The following CAMK4 variants were observed in gnomAD, a reference collection of about 807,000 sequenced individuals.
CAMK4 encodes calcium/calmodulin-dependent protein kinase type IV.
CAMK4 carries 22 observed loss-of-function variants against 44.9 expected under a neutral mutation model. The observed-to-expected ratio is 0.49, with a 90% CI of 0.35 to 0.70. The LOEUF (loss-of-function observed/expected upper bound fraction) is 0.70. CAMK4 is among the 30% of genes least tolerant of loss of function. The pLI is 0.01. For synonymous variants in CAMK4, 218 were observed against 215.4 expected, an observed-to-expected ratio of 1.01 and a Z score of -0.11; for missense variants, 498 against 586.8, an observed-to-expected ratio of 0.85 and a Z score of 1.56.
intron 7 of CAMK4, among the ~76,000 whole-genome samples, chr5:111,461,795 C>A (rs925147047): frequency 6.9e-5 from 4 of 57,902 alleles, no homozygotes; most frequent in African/African-American, 1.8e-4. Context: ...ACACTGAATT[C>A]AAAACAAGCC....
chr5:111,351,522 C>T (rs1324437859), intron 2 of CAMK4, among the ~76,000 whole-genome samples: 1 of 151,766 alleles, frequency 6.6e-6, no homozygotes, highest in East Asian at 1.9e-4. Context: ...TCTCCTGCCT[C>T]AGCCTCCTTA....
chr5:111,439,283 G>A (rs539510285), intron 5 of CAMK4, among the ~76,000 whole-genome samples: 2 of 152,242 alleles, frequency 1.3e-5, no homozygotes, highest in Middle Eastern at 6.8e-3. Flanking sequence ...GACTGGAGGA[G>A]GTTAATGCTG....
chr5:111,240,392 G>A (rs539221848), intron 1 of CAMK4, among the ~76,000 whole-genome samples: 1 of 151,938 alleles, frequency 6.6e-6, no homozygotes, highest in African/African-American at 2.4e-5. Flanking sequence ...ACATCACATG[G>A]AAGAGACTTA....
intron 2 of CAMK4, among the ~76,000 whole-genome samples, chr5:111,361,980 C>T (rs1049339921): frequency 1.3e-5 from 2 of 151,970 alleles, no homozygotes; most frequent in African/African-American, 4.8e-5. Context: ...TAGTATGCTG[C>T]AATTGTAGTG....
chr5:111,278,083 A>G (rs1750850682), intron 1 of CAMK4, among the ~76,000 whole-genome samples: 2 of 152,240 alleles, frequency 1.3e-5, no homozygotes, highest in Non-Finnish European at 2.9e-5. Context: ...AGAAGCTGTA[A>G]TAATGTTTTT....
rs576984807 is a variant in CAMK4, at chr5:111,430,437, A to C, written c.460-16249A>C. 2.0e-5 allele frequency among the ~76,000 whole-genome samples: 3 copies of C among 152,348 alleles called. No individual in the cohort carries two copies. The East Asian group carries it at 5.8e-4, about 29-fold the overall frequency. On this transcript the variant is annotated intron_variant, in intron 5 of 10. Transcript: ENST00000282356. ...ATGCCCGCTGTCACCACTGTTATTT[A>C]ACATAGTACTGGCAGCCCTAGCTAA...
At chr5:111,352,647 G>GAGAGAGAA (rs1490559160) in intron 2 of CAMK4, among the ~76,000 whole-genome samples, 1 of 146,280 alleles carries the variant, frequency 6.8e-6, no homozygotes, top group African/African-American at 2.5e-5. Context: ...CAGAGAGAGA[G>GAGAGAGAA]AGAGAGAGAG....
chr5:111,310,959 A>T (rs1218763539), intron 1 of CAMK4, among the ~76,000 whole-genome samples: 2 of 152,170 alleles, frequency 1.3e-5, no homozygotes, highest in African/African-American at 2.4e-5. Context: ...GATCTCACAC[A>T]TATCCGTTCT....
chr5:111,372,812 C>T (rs899261609), intron 2 of CAMK4, among the ~76,000 whole-genome samples: 1 of 152,132 alleles, frequency 6.6e-6, no homozygotes, highest in African/African-American at 2.4e-5. Flanking sequence ...TCAAGATGTG[C>T]GTCTTCCTTT....
intron 5 of CAMK4, among the ~76,000 whole-genome samples, chr5:111,415,054 T>G (rs546269205): frequency 6.6e-6 from 1 of 152,190 alleles, no homozygotes; most frequent in Admixed American, 6.5e-5. Flanking sequence ...CTGCCAGATA[T>G]AAAAATGTTG....
At chr5:111,230,299 G>A (rs777622700) in intron 1 of CAMK4, among the ~76,000 whole-genome samples, 2 of 152,108 alleles carry the variant, frequency 1.3e-5, no homozygotes, top group African/African-American at 2.4e-5. Flanking sequence ...TGAAATGAAA[G>A]GGATTCAGTT....
chr5:111,326,563 A>T (rs1386466211), intron 1 of CAMK4, among the ~76,000 whole-genome samples: 1 of 151,160 alleles, frequency 6.6e-6, no homozygotes, highest in Non-Finnish European at 1.5e-5. Flanking sequence ...GCAGAAAATT[A>T]AAAAAAAATC....
chr5:111,477,305 G>A (rs1755281129), intron 8 of CAMK4, among the ~76,000 whole-genome samples: 1 of 152,250 alleles, frequency 6.6e-6, no homozygotes. Context: ...CATTCTGTGA[G>A]TAAAAGGACA....
At chr5:111,249,191 T>C (rs1749370175) in intron 1 of CAMK4, among the ~76,000 whole-genome samples, 2 of 152,124 alleles carry the variant, frequency 1.3e-5, no homozygotes, top group African/African-American at 4.8e-5. Flanking sequence ...CCTTTCCTCA[T>C]TGTTCAAGAA....
At chr5:111,414,381 TCAGCAG>T (rs997332616) in intron 5 of CAMK4, among the ~76,000 whole-genome samples, 1 of 151,770 alleles carries the variant, frequency 6.6e-6, no homozygotes, top group Non-Finnish European at 1.5e-5. Flanking sequence ...TCTCCACCTC[TCAGCAG>T]CAGCAGCAGC....
At chr5:111,312,099 C>G (rs1305206716) in intron 1 of CAMK4, among the ~76,000 whole-genome samples, 1 of 152,070 alleles carries the variant, frequency 6.6e-6, no homozygotes, top group Admixed American at 6.6e-5. Context: ...ATACAAAGAA[C>G]TTATTCATTC....
intron 1 of CAMK4, among the ~76,000 whole-genome samples, chr5:111,335,322 AT>A (rs979002434): frequency 3.3e-5 from 5 of 151,404 alleles, no homozygotes; most frequent in African/African-American, 1.2e-4. Context: ...TCCCAAAAAT[AT>A]TAATATGAAC....
intron 1 of CAMK4, among the ~76,000 whole-genome samples, chr5:111,309,076 C>T (rs564680169): frequency 6.6e-6 from 1 of 152,156 alleles, no homozygotes; most frequent in African/African-American, 2.4e-5. Context: ...ATCTTAGAGT[C>T]TTTGAGTTCA....
At chr5:111,277,502 T>C (rs1345061671) in intron 1 of CAMK4, 2 of 152,206 alleles carry the variant, frequency 1.3e-5, no homozygotes, top group Non-Finnish European at 2.9e-5. Context: ...ATTTTCCTTT[T>C]TACCTCTTTT....
Sources: allele counts gnomAD v4.1 joint callset (sites outside exome capture counted in the v4.1 genomes callset), GRCh38; gene constraint gnomAD v4.1.1; transcripts MANE v1.5; gene names NCBI Gene and HGNC (gene_info 2026-07-23, HGNC 2026-07-21).